SLC44A5: variants seen among roughly 807,000 people sequenced by gnomAD.
The protein encoded by SLC44A5 is choline transporter-like protein 5.
Under a neutral mutation model 101.8 loss-of-function variants are expected in SLC44A5, and 57 were observed. That is an observed-to-expected ratio of 0.56 (90% CI 0.45 to 0.70). The LOEUF (loss-of-function observed/expected upper bound fraction) is 0.70. Among genes scored for constraint, SLC44A5 ranks in the 30% least tolerant of loss-of-function variants. The probability of loss-of-function intolerance (pLI) is 0.00; values close to 1 mark genes in which losing one functional copy is unlikely to be tolerated. For missense variants in SLC44A5, 737 were observed against 853.1 expected (o/e 0.86, Z 1.70); for synonymous variants, 281 against 290.9 (o/e 0.97, Z 0.35).
chr1:75,432,952 A>T lies in SLC44A5; in HGVS notation c.14-36331T>A, dbSNP rs187671337. ...ACCCTAACATCTTCTGGACCAAAGC[A>T]AATCTCTCTACCTGTGCTTGGAGTT... On this transcript the variant is annotated intron_variant, in intron 2 of 23. Coordinates refer to ENST00000370859, the MANE Select transcript of SLC44A5 (RefSeq NM_001130058.2). 1.3e-3 allele frequency among the ~76,000 whole-genome samples: 198 copies of T among 152,202 alleles called. 3 individuals are homozygous for T. Among genetic ancestry groups the T allele is most frequent in the African/African-American group, 4.7e-3 (195 of 41,534 alleles).
intron 1 of SLC44A5, among the ~76,000 whole-genome samples, chr1:75,587,283 G>A (rs1181334897): frequency 6.6e-6 from 1 of 152,052 alleles, no homozygotes; most frequent in Non-Finnish European, 1.5e-5. Flanking sequence ...ACAAAATTTG[G>A]CCTTAAATAA....
the SLC44A5 span, among the ~76,000 whole-genome samples, chr1:75,704,532 C>T: frequency 6.6e-6 from 1 of 152,070 alleles, no homozygotes; most frequent in Non-Finnish European, 1.5e-5. Flanking sequence ...TAATTTTCTC[C>T]CTAAAAAATC....
At chr1:75,440,972 C>T (rs958484975) in intron 2 of SLC44A5, among the ~76,000 whole-genome samples, 3 of 151,036 alleles carry the variant, frequency 2.0e-5, no homozygotes, top group African/African-American at 2.4e-5. Flanking sequence ...ATGATAATGA[C>T]AATAATGCAT....
chr1:75,246,529 A>T (rs1330709606), intron 7 of SLC44A5, among the ~76,000 whole-genome samples: 2 of 152,108 alleles, frequency 1.3e-5, no homozygotes, highest in East Asian at 3.9e-4. Context: ...TTTGTCTTCC[A>T]GTAGTGGTAG....
chr1:75,407,618 C>T (rs907374190), intron 2 of SLC44A5, among the ~76,000 whole-genome samples: 1 of 152,064 alleles, frequency 6.6e-6, no homozygotes. Flanking sequence ...GGAAAGGATT[C>T]CCTATTTAAT....
intron 3 of SLC44A5, among the ~76,000 whole-genome samples, chr1:75,362,727 G>A (rs1024942951): frequency 1.3e-5 from 2 of 151,936 alleles, no homozygotes; most frequent in African/African-American, 4.8e-5. Context: ...GACCTATCTT[G>A]GAGAATGTTT....
At chr1:75,311,688 C>T (rs1466782440) in intron 4 of SLC44A5, 3 of 320,758 alleles carry the variant, frequency 9.4e-6, no homozygotes, top group Non-Finnish European at 1.3e-5. Context: ...CTTTCTCTCA[C>T]GGAGTTCCCA....
At chr1:75,640,233 C>T in the SLC44A5 span, among the ~76,000 whole-genome samples, 1 of 152,028 alleles carries the variant, frequency 6.6e-6, no homozygotes, top group Non-Finnish European at 1.5e-5. Context: ...CATACAACTT[C>T]TCTTACATGT....
chr1:75,626,431 T>C, the SLC44A5 span, among the ~76,000 whole-genome samples: 1 of 152,134 alleles, frequency 6.6e-6, no homozygotes, highest in Non-Finnish European at 1.5e-5. Context: ...AGAAAAACAG[T>C]TCAAACACTC....
the SLC44A5 span, among the ~76,000 whole-genome samples, chr1:75,701,575 C>G: frequency 1.3e-5 from 2 of 152,146 alleles, no homozygotes; most frequent in African/African-American, 4.8e-5. Flanking sequence ...AAACTGGAAG[C>G]ATTCCCTTTG....
chr1:75,607,392 T>C (rs1675382596), intron 1 of SLC44A5, among the ~76,000 whole-genome samples: 1 of 152,074 alleles, frequency 6.6e-6, no homozygotes, highest in African/African-American at 2.4e-5. Flanking sequence ...GATGCCACTA[T>C]CATCTCTCAA....
At chr1:75,264,132 A>T (rs1415894160) in intron 6 of SLC44A5, among the ~76,000 whole-genome samples, 12 of 130,870 alleles carry the variant, frequency 9.2e-5, no homozygotes, top group African/African-American at 2.9e-4. Flanking sequence ...AGTATTTAAA[A>T]AAAAAAAAAA....
chr1:75,587,246 C>T (rs1303176730), intron 1 of SLC44A5, among the ~76,000 whole-genome samples: 2 of 152,112 alleles, frequency 1.3e-5, no homozygotes, highest in East Asian at 1.9e-4. Flanking sequence ...AGCAAGGGTC[C>T]TAACCCTTCT....
chr1:75,271,500 T>C (rs1282079823), intron 6 of SLC44A5, among the ~76,000 whole-genome samples: 2 of 149,666 alleles, frequency 1.3e-5, no homozygotes, highest in Non-Finnish European at 3.0e-5. Flanking sequence ...GCATGTTTTG[T>C]GTGTGTGTGT....
chr1:75,621,789 T>C, the SLC44A5 span, among the ~76,000 whole-genome samples: 2 of 152,124 alleles, frequency 1.3e-5, no homozygotes. Flanking sequence ...TTAGGGACTG[T>C]ACAATTCTGT....
At chr1:75,616,000 T>A (rs1195115755), upstream of SLC44A5, 1 of 561,484 alleles carries the variant, frequency 1.8e-6, no homozygotes, top group African/African-American at 2.0e-5. Context: ...GTTGCTGTGA[T>A]GGCATCTGCG....
At chr1:75,464,931 A>G (rs563386221) in intron 2 of SLC44A5, among the ~76,000 whole-genome samples, 62 of 142,656 alleles carry the variant, frequency 4.3e-4, no homozygotes, top group African/African-American at 1.5e-3. Flanking sequence ...ACAATATACA[A>G]TAATAGCTGG....
At chr1:75,283,167 A>ATT (rs34311674) in intron 5 of SLC44A5, among the ~76,000 whole-genome samples, 48,220 of 150,408 alleles carry the variant, frequency 0.32, 7,969 homozygotes, top group Middle Eastern at 0.4. Flanking sequence ...ATCAGCATCT[A>ATT]TTTTTTTTTT....
At chr1:75,649,716 AAGATATAAAATATCTT>A in the SLC44A5 span, among the ~76,000 whole-genome samples, 5 of 152,294 alleles carry the variant, frequency 3.3e-5, no homozygotes, top group South Asian at 2.1e-4. Context: ...GTAACTCTCT[AAGATATAAAATATCTT>A]AGATATAAAA....
Sources: gnomAD v4.1 joint callset for allele counts (sites outside exome capture counted in the v4.1 genomes callset) on GRCh38, gnomAD v4.1.1 for gene constraint, MANE v1.5 for transcripts, NCBI Gene and HGNC (gene_info 2026-07-23, HGNC 2026-07-21) for gene names.